The following PCDHA5 variants were observed in gnomAD, a reference collection of about 807,000 sequenced individuals.
The protein encoded by PCDHA5 is protocadherin alpha-5.
In PCDHA5, 43 loss-of-function variants were observed where a neutral mutation model predicts 61.6. The ratio of observed to expected loss-of-function variants is 0.70; its 90% CI spans 0.55 to 0.90. The LOEUF (loss-of-function observed/expected upper bound fraction) is 0.90. PCDHA5 is among the 40% of genes least tolerant of loss of function. PCDHA5 has a pLI of 0.00. For synonymous variants in PCDHA5, 627 were observed against 543.9 expected (o/e 1.15, Z -2.13); for missense variants, 1,298 against 1,222.7 (o/e 1.06, Z -0.92).
chr5:140,821,825 G>A lies in PCDHA5; in HGVS notation c.50G>A (p.Trp17Ter). 1 of 1,614,132 alleles carries A rather than the reference G, an allele frequency of 6.2e-7. No individual in the cohort carries two copies. The highest frequency in any genetic ancestry group is 1.1e-5 in the South Asian group (1 of 91,084). Residue 17 changes from tryptophan to a stop codon, truncating the protein, a stop_gained, in exon 1 of 4, where the codon TGG (tryptophan) becomes TAG (stop). Coordinates refer to ENST00000529859, the MANE Select transcript of PCDHA5 (RefSeq NM_018908.3). LOFTEE classifies it high-confidence loss of function. Reference protein sequence around the residue: ...GSLGSRLLLLWLLLAYWKAGS... With the variant: ...GSLGSRLLLL ...CTGGGATCCCGGCTCCTGCTGCTCT[G>A]GCTTCTCCTTGCCTACTGGAAGGCA...
At chr5:141,002,559 G>C (rs2098085590) in intron 3 of PCDHA5, among the ~76,000 whole-genome samples, 2 of 152,192 alleles carry the variant, frequency 1.3e-5, no homozygotes. Context: ...GGATCCACCA[G>C]TTAGTGACCA....
At chr5:140,894,296 C>T (rs1434101692) in intron 1 of PCDHA5, among the ~76,000 whole-genome samples, 4 of 151,798 alleles carry the variant, frequency 2.6e-5, no homozygotes, top group African/African-American at 4.8e-5. Flanking sequence ...AGTTTATTTT[C>T]CTGGAAAGTT....
chr5:140,898,808 C>T (rs1318586303), intron 1 of PCDHA5, among the ~76,000 whole-genome samples: 2 of 152,188 alleles, frequency 1.3e-5, no homozygotes, highest in Non-Finnish European at 2.9e-5. Context: ...GATACTGATT[C>T]TTCCTACCCA....
intron 1 of PCDHA5, among the ~76,000 whole-genome samples, chr5:140,933,130 A>G (rs2088870055): frequency 6.6e-6 from 1 of 151,994 alleles, no homozygotes; most frequent in Non-Finnish European, 1.5e-5. Context: ...CTAAATAATA[A>G]AGGTAGATAG....
rs373922357 is a variant in PCDHA5, at chr5:140,927,079, G to A, written c.2353-51870G>A. ...CTTTCGCTTCCTTTCCAGCCACCGC[G>A]AGCTCTACTTCGGGGTGGATCTACC... On this transcript the variant is annotated intron_variant, in intron 1 of 3. Transcript: ENST00000529859. 2.5e-6 allele frequency: 4 copies of A among 1,610,988 alleles called. No homozygotes were observed. The highest frequency in any genetic ancestry group is 2.5e-6 in the Non-Finnish European group (3 of 1,177,702).
rs142471747 is a variant in PCDHA5 at position 140,940,002 on chromosome 5, C to T, written c.2353-38947C>T. On this transcript the variant is annotated intron_variant, in intron 1 of 3. Transcript: ENST00000529859. ...TGAATTGTTTCTCCTTGGATTTTGT[C>T]AATTTTTTGTGTCATATGTTTTAAG... Among the ~76,000 whole-genome samples the T allele has an allele frequency of 5.4e-3, 828 of 152,138 alleles. 3 individuals carry two copies. The highest frequency in any genetic ancestry group is 0.019 in the African/African-American group (797 of 41,516).
At chr5:140,925,513 A>G (rs2082534793) in intron 1 of PCDHA5, among the ~76,000 whole-genome samples, 1 of 152,104 alleles carries the variant, frequency 6.6e-6, no homozygotes, top group South Asian at 2.1e-4. Flanking sequence ...CACGCAAAAG[A>G]CCAAATTAAA....
intron 1 of PCDHA5, chr5:140,882,138 T>C: frequency 6.7e-7 from 1 of 1,489,248 alleles, no homozygotes; most frequent in South Asian, 1.4e-5. Context: ...CTGCAGAAAA[T>C]ATAGCAGAAA....
At chr5:140,871,344 G>T in intron 1 of PCDHA5, 1 of 1,614,200 alleles carries the variant, frequency 6.2e-7, no homozygotes, top group Non-Finnish European at 8.5e-7. Context: ...TGGGGAGCTG[G>T]TCATACTCGC....
intron 1 of PCDHA5, chr5:140,851,487 C>A: frequency 2.2e-6 from 2 of 889,094 alleles, no homozygotes; most frequent in Non-Finnish European, 1.4e-6. Flanking sequence ...TAAACACAGC[C>A]TTCATTTCAA....
At chr5:140,998,850 A>G (rs904977478) in intron 3 of PCDHA5, among the ~76,000 whole-genome samples, 18 of 152,234 alleles carry the variant, frequency 1.2e-4, no homozygotes, top group Non-Finnish European at 2.1e-4. Context: ...GGTGTGAGCC[A>G]CATGCCTGGC....
chr5:140,829,747 G>C (rs2150173825), intron 1 of PCDHA5: 21 of 1,613,704 alleles, frequency 1.3e-5, no homozygotes, highest in Non-Finnish European at 1.7e-5. Flanking sequence ...TGACGCTGCA[G>C]GTGTTCGTGC....
At chr5:141,001,885 A>C (rs1462586962) in intron 3 of PCDHA5, among the ~76,000 whole-genome samples, 2 of 152,228 alleles carry the variant, frequency 1.3e-5, no homozygotes, top group African/African-American at 2.4e-5. Context: ...GAAGGAGCAA[A>C]GAAATCGGGG....
At position 141,012,295 on chromosome 5, in the gene PCDHA5, T is replaced by C. The variant is rs2098423507; in HGVS notation, c.*2358T>C. ...GTCATGTGGATTCATTTTGAATTGG[T>C]GCTATTGGTATTTCCTCTGTTATTG... On this transcript the variant is annotated 3_prime_UTR_variant, in exon 4 of 4. Coordinates refer to ENST00000529859, the MANE Select transcript of PCDHA5 (RefSeq NM_018908.3). 6.5e-6 allele frequency: 1 copy of C among 153,776 alleles called. No homozygotes were observed. The highest frequency in any genetic ancestry group is 2.4e-5 in the African/African-American group (1 of 41,466). 9.5% of individuals were successfully genotyped at this position (153,776 alleles called of 1,614,324 possible).
chr5:140,907,697 C>T (rs1425951971), intron 1 of PCDHA5, among the ~76,000 whole-genome samples: 2 of 152,202 alleles, frequency 1.3e-5, no homozygotes, highest in African/African-American at 2.4e-5. Context: ...GTGGAAGTCC[C>T]TGTTGCTGAG....
chr5:140,928,555 A>G, intron 1 of PCDHA5: 1 of 1,614,240 alleles, frequency 6.2e-7, no homozygotes, highest in Non-Finnish European at 8.5e-7. Flanking sequence ...TTATCCGGTT[A>G]TCTTGTTTCC....
intron 1 of PCDHA5, chr5:140,926,327 A>AGAGCGCCGGGACCC (rs1363803647): frequency 6.6e-6 from 1 of 152,258 alleles, no homozygotes; most frequent in African/African-American, 2.4e-5. Context: ...CGCCGGGGTC[A>AGAGCGCCGGGACCC]GAGCGCCGGG....
At chr5:140,850,796 C>T (rs1344673921) in intron 1 of PCDHA5, 7 of 1,598,190 alleles carry the variant, frequency 4.4e-6, no homozygotes, top group African/African-American at 1.3e-5. Context: ...AGCAGAAGAC[C>T]GACCTCATGG....
intron 1 of PCDHA5, chr5:140,929,180 G>C (rs782260576): frequency 2.7e-5 from 44 of 1,614,150 alleles, no homozygotes; most frequent in Non-Finnish European, 3.7e-5. Flanking sequence ...CTGGGACTTG[G>C]TTCTGATAAT....
Sources: gnomAD v4.1 joint callset for allele counts (sites outside exome capture counted in the v4.1 genomes callset) on GRCh38, gnomAD v4.1.1 for gene constraint, MANE v1.5 for transcripts, NCBI Gene and HGNC (gene_info 2026-07-23, HGNC 2026-07-21) for gene names.